Variants in RCC1L observed in about 807,000 individuals in gnomAD.
RCC1L encodes RCC1-like G exchanging factor-like protein.
Under a neutral mutation model 58.6 loss-of-function variants are expected in RCC1L, and 46 were observed. That is an observed-to-expected ratio of 0.79 (90% CI 0.62 to 1.00). RCC1L has a LOEUF of 1.00. Ranked by LOEUF, RCC1L falls within the 50% of genes least tolerant of loss-of-function variation. RCC1L has a pLI of 0.00. For synonymous variants in RCC1L, 281 were observed against 262.9 expected (o/e 1.07, Z -0.67); for missense variants, 636 against 623.6 (o/e 1.02, Z -0.21).
At chr7:75,062,616 A>G (rs1281687014) in intron 5 of RCC1L, among the ~76,000 whole-genome samples, 2 of 152,216 alleles carry the variant, frequency 1.3e-5, no homozygotes, top group Non-Finnish European at 2.9e-5. Flanking sequence ...TCATCCCCAG[A>G]ATAGTGCCTG....
downstream of RCC1L, among the ~76,000 whole-genome samples, chr7:75,038,667 G>C (rs1049119607): frequency 6.6e-6 from 1 of 152,106 alleles, no homozygotes; most frequent in Non-Finnish European, 1.5e-5. Flanking sequence ...GACAGCCTGT[G>C]AGCTGGGGCT....
chr7:75,033,071 CAAAAA>C (rs71098024), intron 10 of RCC1L, among the ~76,000 whole-genome samples: 6 of 70,138 alleles, frequency 8.6e-5, no homozygotes, highest in African/African-American at 3.0e-4. Flanking sequence ...GACTTTGTCT[CAAAAA>C]AAAAAAAAAA....
In RCC1L at chr7:75,072,155, C is replaced by CATATATATATATATATAT. The variant is rs1212608729; in HGVS notation, c.324+1258_324+1259insATATATATATATATATAT. ...TTTTAAATTTATACATATACATATA[C>CATATATATATATATATAT]ATATACATATATATATATATATATA... On this transcript the variant is annotated intron_variant, in intron 1 of 10. Coordinates refer to ENST00000610322, the MANE Select transcript of RCC1L (RefSeq NM_030798.5). Among the ~76,000 whole-genome samples, 353 of 47,752 alleles carry CATATATATATATATATAT rather than the reference C, an allele frequency of 7.4e-3. 14 individuals are homozygous for CATATATATATATATATAT. Among genetic ancestry groups the CATATATATATATATATAT allele is most frequent in the Non-Finnish European group, 9.0e-3 (208 of 23,022 alleles). The allele number at this position is 47,752 out of a possible 152,430, so 31.3% of individuals were successfully genotyped here.
chr7:75,064,828 G>A (rs940383422), intron 3 of RCC1L, 180 bp from the exon 4 acceptor site: 14 of 697,278 alleles, frequency 2.0e-5, no homozygotes, highest in Non-Finnish European at 3.7e-5. Flanking sequence ...GGGCATGGGG[G>A]AATCTAGACC....
chr7:75,034,382 G>T (rs940297858), intron 10 of RCC1L, among the ~76,000 whole-genome samples: 1 of 152,150 alleles, frequency 6.6e-6, no homozygotes. Flanking sequence ...CAAGCATGGC[G>T]GTGTGTGCCT....
chr7:75,040,437 G>A (rs1584487155), downstream of RCC1L, among the ~76,000 whole-genome samples: 2 of 152,290 alleles, frequency 1.3e-5, no homozygotes, highest in East Asian at 1.9e-4. Context: ...TCCAGCCTGG[G>A]CAACAGAGAG....
chr7:75,037,728 C>T (rs937690767), downstream of RCC1L, among the ~76,000 whole-genome samples: 3 of 151,580 alleles, frequency 2.0e-5, no homozygotes, highest in East Asian at 5.9e-4. Flanking sequence ...TCAGACTGGT[C>T]TTCAACTCCT....
chr7:75,050,856 C>A (rs587692926), intron 10 of RCC1L, among the ~76,000 whole-genome samples: 1 of 152,048 alleles, frequency 6.6e-6, no homozygotes, highest in Non-Finnish European at 1.5e-5. Flanking sequence ...CTTTGGGAAG[C>A]TGAGGGAGGC....
intron 7 of RCC1L, among the ~76,000 whole-genome samples, chr7:75,058,359 C>G (rs587775191): frequency 6.6e-6 from 1 of 151,100 alleles, no homozygotes; most frequent in Non-Finnish European, 1.5e-5. Flanking sequence ...CTCCCCAGTA[C>G]CTGGGATTAC....
intron 9 of RCC1L, 80 bp downstream of exon 9, chr7:75,055,821 C>T (rs1554443832): frequency 8.4e-6 from 13 of 1,546,818 alleles, no homozygotes; most frequent in Non-Finnish European, 1.1e-5. Context: ...AACCTGAGAG[C>T]TGCCCGCAGT....
At chr7:75,036,008 C>A (rs1466176867) in intron 10 of RCC1L, among the ~76,000 whole-genome samples, 1 of 151,886 alleles carries the variant, frequency 6.6e-6, no homozygotes, top group Non-Finnish European at 1.5e-5. Context: ...GTCTCAAAAA[C>A]TAAAAGTTTC....
At chr7:75,064,530 T>C in intron 4 of RCC1L, 52 bp downstream of exon 4, 1 of 1,604,330 alleles carries the variant, frequency 6.2e-7, no homozygotes, top group Non-Finnish European at 8.5e-7. Context: ...TCCCTAGAAA[T>C]GTTTTGACAC....
rs1440951256 is a variant in RCC1L, at chr7:75,061,261, G to A, written c.733C>T (p.Leu245=). Residue 245 remains leucine, a synonymous_variant, in exon 6 of 11, where the codon CTG becomes TTG. Coordinates refer to ENST00000610322, the MANE Select transcript of RCC1L (RefSeq NM_030798.5). ...VACGQDHSLF[L]TDKGEVYSCG... ...GAATAGACTTCTCCTTTATCCGTCA[G>A]GAACAGACTATGATCCTGACCACAG... The A allele has an allele frequency of 6.2e-7, 1 of 1,613,662 alleles. No individual in the cohort carries two copies. The highest frequency in any genetic ancestry group is 1.3e-5 in the African/African-American group (1 of 74,874).
intron 9 of RCC1L, among the ~76,000 whole-genome samples, chr7:75,053,518 G>A (rs1263596719): frequency 6.6e-6 from 1 of 152,152 alleles, no homozygotes; most frequent in Admixed American, 6.5e-5. Context: ...GCTTGTGCTG[G>A]GTCTAGGTCT....
At chr7:75,039,499 T>C (rs1190169152), downstream of RCC1L, among the ~76,000 whole-genome samples, 1 of 152,130 alleles carries the variant, frequency 6.6e-6, no homozygotes, top group Non-Finnish European at 1.5e-5. Flanking sequence ...TGTGAAGGGT[T>C]TTCATGCCAG....
chr7:75,046,386 G>A (rs969666279), intron 10 of RCC1L, among the ~76,000 whole-genome samples: 1 of 152,164 alleles, frequency 6.6e-6, no homozygotes, highest in Non-Finnish European at 1.5e-5. Context: ...TACCTTTCCC[G>A]GGACAGTGCG....
chr7:75,061,757 G>A (rs1806285904), intron 5 of RCC1L, among the ~76,000 whole-genome samples: 1 of 152,118 alleles, frequency 6.6e-6, no homozygotes, highest in South Asian at 2.1e-4. Context: ...TGTGGCCTCT[G>A]CACTGTGATC....
chr7:75,043,153 C>T (rs1805616564), intron 10 of RCC1L, 44 bp from the exon 11 acceptor site: 1 of 1,610,756 alleles, frequency 6.2e-7, no homozygotes, highest in African/African-American at 1.3e-5. Context: ...GGTGGCGCAC[C>T]CGGAGGAGAC....
At position 75,063,491 on chromosome 7, in the gene RCC1L, G is replaced by A. The variant is rs987881412; in HGVS notation, c.651-148C>T. ...AACTCTCAAGGTCAAATCTTAGGTC[G>A]AGTCAGGCCTGGTCATGAAAGTAAA... On this transcript the variant is annotated intron_variant, in intron 4 of 10. Transcript: ENST00000610322. The A allele has an allele frequency of 3.8e-5, 33 of 868,666 alleles. No homozygotes were observed. The African/African-American group carries it at 4.1e-4, about 11-fold the overall frequency. 53.8% of individuals were successfully genotyped at this position (868,666 alleles called of 1,614,324 possible). A position where few individuals can be genotyped will look rare whatever the true frequency, so the allele number is the denominator to read the frequency against.
Sources: allele counts gnomAD v4.1 joint callset (sites outside exome capture counted in the v4.1 genomes callset), GRCh38; gene constraint gnomAD v4.1.1; transcripts MANE v1.5; gene names NCBI Gene and HGNC (gene_info 2026-07-23, HGNC 2026-07-21).